Variants in RNF43 observed in about 807,000 individuals in gnomAD.
The protein encoded by RNF43 is E3 ubiquitin-protein ligase RNF43.
In RNF43, 37 loss-of-function variants were observed where a neutral mutation model predicts 78.4. The observed-to-expected ratio is 0.47, with a 90% confidence interval of 0.36 to 0.62. The LOEUF (loss-of-function observed/expected upper bound fraction) is 0.62. RNF43 is among the 20% of genes least tolerant of loss of function. The probability of loss-of-function intolerance (pLI) is 0.00; values close to 1 mark genes in which losing one functional copy is unlikely to be tolerated. For missense variants in RNF43, 774 were observed against 1,007.9 expected, an observed-to-expected ratio of 0.77 and a Z score of 3.14; for synonymous variants, 347 against 395.0, an observed-to-expected ratio of 0.88 and a Z score of 1.44.
intron 2 of RNF43, among the ~76,000 whole-genome samples, chr17:58,383,630 T>C (rs748180416): frequency 4.0e-5 from 6 of 151,664 alleles, no homozygotes; most frequent in Non-Finnish European, 2.9e-5. Context: ...GTTTTTTGCA[T>C]TTTGGTGTTT....
intron 2 of RNF43, among the ~76,000 whole-genome samples, chr17:58,380,000 T>C (rs560394715): frequency 7.9e-5 from 12 of 152,310 alleles, no homozygotes; most frequent in East Asian, 3.9e-4. Flanking sequence ...CAGGGATCTT[T>C]AGAAGCAAGG....
chr17:58,367,000 T>TC (rs1972969474), intron 3 of RNF43, among the ~76,000 whole-genome samples: 1 of 148,494 alleles, frequency 6.7e-6, no homozygotes, highest in East Asian at 2.0e-4. Flanking sequence ...TAATTTTTTT[T>TC]TTTTTTTTTT....
At chr17:58,378,336 C>T (rs983281522) in intron 2 of RNF43, among the ~76,000 whole-genome samples, 1 of 152,150 alleles carries the variant, frequency 6.6e-6, no homozygotes, top group Non-Finnish European at 1.5e-5. Context: ...CAGCTCACTG[C>T]AGCCTCAACC....
intron 2 of RNF43, among the ~76,000 whole-genome samples, chr17:58,396,735 G>GA (rs1182145968): frequency 6.6e-6 from 1 of 151,860 alleles, no homozygotes; most frequent in Non-Finnish European, 1.5e-5. Flanking sequence ...TCTCTCTATA[G>GA]AATATATACA....
chr17:58,387,679 C>T (rs889083653), intron 2 of RNF43, among the ~76,000 whole-genome samples: 2 of 151,670 alleles, frequency 1.3e-5, no homozygotes, highest in African/African-American at 2.4e-5. Flanking sequence ...AACAAAAAAA[C>T]AAAGTGCAGG....
In RNF43 at chr17:58,360,685, G is replaced by T; in HGVS notation, c.849+98C>A. 7.7e-7 allele frequency: 1 copy of T among 1,303,232 alleles called. No homozygotes were observed. The highest frequency in any genetic ancestry group is 1.0e-6 in the Non-Finnish European group (1 of 953,680). The allele number at this position is 1,303,232 out of a possible 1,614,324, so 80.7% of individuals were successfully genotyped here. ...GCAGGACACATGGGAAACAGATGTA[G>T]CCAGGGTACCCATACCAGCCCCTAG... On this transcript the variant is annotated intron_variant, in intron 7 of 9. Coordinates refer to ENST00000407977, the MANE Select transcript of RNF43 (RefSeq NM_017763.6). This position sits in a 1 kb window ranked among gnomAD's most constrained non-coding sequence, Gnocchi z 4.3.
At chr17:58,389,783 TC>T (rs908787890) in intron 2 of RNF43, among the ~76,000 whole-genome samples, 1 of 152,232 alleles carries the variant, frequency 6.6e-6, no homozygotes, top group African/African-American at 2.4e-5. Context: ...TTTCTACAAT[TC>T]TACTACATAA....
intron 2 of RNF43, among the ~76,000 whole-genome samples, chr17:58,413,001 A>G (rs891539916): frequency 1.3e-5 from 2 of 152,200 alleles, no homozygotes; most frequent in African/African-American, 4.8e-5. Flanking sequence ...AAAACCGAAG[A>G]GAAGACTACT....
At chr17:58,407,181 C>T (rs746675958) in intron 2 of RNF43, among the ~76,000 whole-genome samples, 14 of 147,194 alleles carry the variant, frequency 9.5e-5, no homozygotes, top group South Asian at 2.2e-4. Flanking sequence ...CAGATTCAAG[C>T]GATTCTCCTG....
At chr17:58,380,373 A>G (rs1973288228) in intron 2 of RNF43, among the ~76,000 whole-genome samples, 1 of 152,180 alleles carries the variant, frequency 6.6e-6, no homozygotes, top group African/African-American at 2.4e-5. Flanking sequence ...GGCTTTGTCT[A>G]GGGCCCTTCT....
intron 3 of RNF43, among the ~76,000 whole-genome samples, chr17:58,364,627 C>T (rs1473791580): frequency 6.6e-6 from 1 of 152,192 alleles, no homozygotes; most frequent in Non-Finnish European, 1.5e-5. Flanking sequence ...AGCCTTCCTC[C>T]CTAGGGCAAA....
rs528461315 is a variant in RNF43 at position 58,370,391 on chromosome 17, A to G, written c.375+520T>C. ...TGAAAATCTCAGCTTTTATATAAAC[A>G]TTTTTAATTTTTAAATGTGGCAATT... On this transcript the variant is annotated intron_variant, in intron 3 of 9. Coordinates refer to ENST00000407977, the MANE Select transcript of RNF43 (RefSeq NM_017763.6). 8.5e-5 allele frequency among the ~76,000 whole-genome samples: 13 copies of G among 152,246 alleles called. No individual in the cohort carries two copies. The South Asian group carries it at 2.7e-3, about 32-fold the overall frequency.
intron 2 of RNF43, among the ~76,000 whole-genome samples, chr17:58,379,880 G>T (rs903125214): frequency 6.6e-5 from 10 of 152,282 alleles, no homozygotes; most frequent in Middle Eastern, 3.4e-3. Flanking sequence ...TGGAAACAGG[G>T]TTTGACCTGA....
chr17:58,356,886 C>CTTTT lies in RNF43; in HGVS notation c.2308+578_2308+581dup, dbSNP rs150378896. 3.9e-4 allele frequency: 56 copies of CTTTT among 144,148 alleles called. 7 individuals are homozygous for CTTTT. The highest frequency in any genetic ancestry group is 5.0e-4 in the East Asian group (3 of 5,956). 8.9% of individuals were successfully genotyped at this position (144,148 alleles called of 1,614,324 possible). A position where few individuals can be genotyped will look rare whatever the true frequency, so the allele number is the denominator to read the frequency against. ...ACCCCGGGGACCATTCCAAATGCCT[C>CTTTT]TTTTTTTTTTTTTTTTTTTTTTTTT... is the stretch of plus-strand genomic sequence containing the variant. On this transcript the variant is annotated intron_variant, in intron 9 of 9. Coordinates refer to ENST00000407977, the MANE Select transcript of RNF43 (RefSeq NM_017763.6).
intron 6 of RNF43, 86 bp from the exon 7 acceptor site, chr17:58,361,030 A>G: frequency 7.4e-7 from 1 of 1,347,796 alleles, no homozygotes; most frequent in South Asian, 1.6e-5. Flanking sequence ...GTTCCCAGTC[A>G]CTCAGGTAGA....
At chr17:58,373,975 T>C (rs1392526830) in intron 2 of RNF43, among the ~76,000 whole-genome samples, 1 of 152,202 alleles carries the variant, frequency 6.6e-6, no homozygotes, top group African/African-American at 2.4e-5. Context: ...ATGCTAATGA[T>C]AGTCAGGATG....
chr17:58,407,964 T>A (rs1433809501), intron 2 of RNF43, among the ~76,000 whole-genome samples: 3 of 152,196 alleles, frequency 2.0e-5, no homozygotes, highest in Non-Finnish European at 2.9e-5. Context: ...CAGTTTCACT[T>A]CATATTTGGA....
At chr17:58,355,035 G>A (rs1252770406) in intron 9 of RNF43, 49 bp from the exon 10 acceptor site, 41 of 1,525,172 alleles carry the variant, frequency 2.7e-5, no homozygotes, top group Non-Finnish European at 3.6e-5. Context: ...GTCAGGCCAG[G>A]GACCTGCTTC....
intron 2 of RNF43, among the ~76,000 whole-genome samples, chr17:58,388,993 G>C (rs1973492117): frequency 6.6e-6 from 1 of 152,176 alleles, no homozygotes; most frequent in African/African-American, 2.4e-5. Flanking sequence ...CAAGATGAGA[G>C]TTAGAGCTTG....
Sources: allele counts gnomAD v4.1 joint callset (sites outside exome capture counted in the v4.1 genomes callset), GRCh38; gene constraint gnomAD v4.1.1; non-coding constraint Gnocchi (gnomAD v3.1); transcripts MANE v1.5; gene names NCBI Gene and HGNC (gene_info 2026-07-23, HGNC 2026-07-21).